Variants in AGBL4 observed in about 807,000 individuals in gnomAD.
AGBL4 encodes the protein cytosolic carboxypeptidase 6.
Under a neutral mutation model 66.4 loss-of-function variants are expected in AGBL4, and 58 were observed. The ratio of observed to expected loss-of-function variants is 0.87; its 90% confidence interval spans 0.71 to 1.09. The LOEUF is 1.09. Among genes scored for constraint, AGBL4 ranks in the 50% least tolerant of loss-of-function variants. The pLI is 0.00. For missense variants in AGBL4, 579 were observed against 631.0 expected, an observed-to-expected ratio of 0.92 and a Z score of 0.88; for synonymous variants, 234 against 222.9, an observed-to-expected ratio of 1.05 and a Z score of -0.44.
chr1:48,869,164 C>T (rs1480699596), intron 5 of AGBL4, among the ~76,000 whole-genome samples: 2 of 152,216 alleles, frequency 1.3e-5, no homozygotes, highest in Non-Finnish European at 2.9e-5. Context: ...TACCTGTTTT[C>T]CTGCCAACTC....
intron 3 of AGBL4, among the ~76,000 whole-genome samples, chr1:49,371,210 AAGAT>A (rs998056115): frequency 9.4e-5 from 14 of 149,698 alleles, no homozygotes; most frequent in Admixed American, 2.7e-4. Context: ...AGATAGATAG[AAGAT>A]AGATAGATAG....
At chr1:49,730,885 G>C (rs1425532670) in intron 2 of AGBL4, among the ~76,000 whole-genome samples, 2 of 152,206 alleles carry the variant, frequency 1.3e-5, no homozygotes, top group African/African-American at 4.8e-5. Context: ...TTTGTGGACA[G>C]AATTAATAAT....
At chr1:48,673,293 A>G (rs1646306880) in intron 6 of AGBL4, among the ~76,000 whole-genome samples, 1 of 152,116 alleles carries the variant, frequency 6.6e-6, no homozygotes, top group African/African-American at 2.4e-5. Context: ...AATTTCCCCA[A>G]GCAGAGAACT....
intron 3 of AGBL4, among the ~76,000 whole-genome samples, chr1:49,573,190 A>G (rs866305255): frequency 8.0e-4 from 105 of 131,874 alleles, no homozygotes; most frequent in South Asian, 4.3e-3. Flanking sequence ...GTGTGTGTGT[A>G]TACTTTTAGT....
chr1:49,520,446 T>C (rs1004840637), intron 3 of AGBL4, among the ~76,000 whole-genome samples: 2 of 152,092 alleles, frequency 1.3e-5, no homozygotes, highest in African/African-American at 4.8e-5. Context: ...GAATGGTACA[T>C]TTTAATGTTT....
intron 3 of AGBL4, among the ~76,000 whole-genome samples, chr1:49,482,284 G>C (rs897994063): frequency 1.3e-5 from 2 of 151,924 alleles, no homozygotes; most frequent in African/African-American, 2.4e-5. Context: ...CAGGTTTATT[G>C]GTTGGTAGGC....
intron 2 of AGBL4, among the ~76,000 whole-genome samples, chr1:49,778,272 A>C (rs908748577): frequency 6.6e-6 from 1 of 151,820 alleles, no homozygotes; most frequent in African/African-American, 2.4e-5. Context: ...ATCTCCAACT[A>C]CCACCCCACT....
At chr1:48,999,170 T>G (rs1301878020) in intron 5 of AGBL4, among the ~76,000 whole-genome samples, 2 of 152,224 alleles carry the variant, frequency 1.3e-5, no homozygotes, top group African/African-American at 2.4e-5. Flanking sequence ...AGGGTTGAAC[T>G]ATATGACCCT....
chr1:49,687,032 A>T (rs1646799321), intron 3 of AGBL4, among the ~76,000 whole-genome samples: 1 of 152,220 alleles, frequency 6.6e-6, no homozygotes, highest in Admixed American at 6.5e-5. Flanking sequence ...TATGTAAGTC[A>T]AAAGCAAACT....
intron 3 of AGBL4, among the ~76,000 whole-genome samples, chr1:49,585,842 C>A (rs767744619): frequency 6.6e-6 from 1 of 151,994 alleles, no homozygotes; most frequent in Non-Finnish European, 1.5e-5. Context: ...CAGGCAGAGT[C>A]GAAGTTGGAA....
chr1:49,302,794 T>A (rs1644778573), intron 3 of AGBL4, among the ~76,000 whole-genome samples: 1 of 151,832 alleles, frequency 6.6e-6, no homozygotes, highest in Admixed American at 6.6e-5. Flanking sequence ...ATGCATTAGC[T>A]ATTTATCCTG....
At chr1:49,659,557 A>G (rs1330027327) in intron 3 of AGBL4, among the ~76,000 whole-genome samples, 1 of 152,208 alleles carries the variant, frequency 6.6e-6, no homozygotes, top group African/African-American at 2.4e-5. Flanking sequence ...AAAGAAGGGC[A>G]TTACATAATG....
chr1:49,312,897 T>A (rs996377059), intron 3 of AGBL4, among the ~76,000 whole-genome samples: 6 of 152,106 alleles, frequency 3.9e-5, no homozygotes, highest in Non-Finnish European at 7.4e-5. Flanking sequence ...ATACTTTTTT[T>A]ATGTTCTGGG....
chr1:48,742,306 T>G (rs1438049729), intron 6 of AGBL4, among the ~76,000 whole-genome samples: 1 of 152,220 alleles, frequency 6.6e-6, no homozygotes, highest in Non-Finnish European at 1.5e-5. Flanking sequence ...GGGACAAGTT[T>G]CATCAAACTA....
At chr1:49,420,330 C>T (rs569417626) in intron 3 of AGBL4, among the ~76,000 whole-genome samples, 1 of 152,252 alleles carries the variant, frequency 6.6e-6, no homozygotes, top group East Asian at 1.9e-4. Context: ...TGCCTCACTC[C>T]AGAATAAGAG....
chr1:49,944,329 T>A (rs560942142), intron 1 of AGBL4, among the ~76,000 whole-genome samples: 6 of 152,116 alleles, frequency 3.9e-5, no homozygotes, highest in African/African-American at 1.4e-4. Context: ...CCAGAGCAGA[T>A]GGTGGTATCC....
chr1:49,059,872 T>A (rs562466738), intron 4 of AGBL4, among the ~76,000 whole-genome samples: 2 of 152,312 alleles, frequency 1.3e-5, no homozygotes. Flanking sequence ...GGAAGGGGTA[T>A]ATTTACCCAA....
intron 6 of AGBL4, among the ~76,000 whole-genome samples, chr1:48,672,238 T>C (rs1646288116): frequency 6.6e-6 from 1 of 152,226 alleles, no homozygotes; most frequent in South Asian, 2.1e-4. Context: ...TTCCTGGCAA[T>C]GCAGGCACAT....
intron 4 of AGBL4, among the ~76,000 whole-genome samples, chr1:49,102,830 G>A (rs940287684): frequency 2.6e-5 from 4 of 152,108 alleles, no homozygotes; most frequent in Non-Finnish European, 4.4e-5. Flanking sequence ...TTGACTCCAA[G>A]GCCATTTCCT....
Sources: gnomAD v4.1 joint callset for allele counts (sites outside exome capture counted in the v4.1 genomes callset) on GRCh38, gnomAD v4.1.1 for gene constraint, MANE v1.5 for transcripts, NCBI Gene and HGNC (gene_info 2026-07-23, HGNC 2026-07-21) for gene names.